ERC2: variants seen among roughly 807,000 people sequenced by gnomAD.
ERC2 encodes the protein ELKS/RAB6-interacting/CAST family member 2.
Under a neutral mutation model 114.8 loss-of-function variants are expected in ERC2, and 42 were observed. The ratio of observed to expected loss-of-function variants is 0.37; its 90% confidence interval spans 0.29 to 0.47. The LOEUF is 0.47. ERC2 is among the 20% of genes least tolerant of loss of function. The pLI, the probability that ERC2 is intolerant of heterozygous loss-of-function variation, is 0.99. For missense variants in ERC2, 939 were observed against 1,150.7 expected (o/e 0.82, Z 2.66); for synonymous variants, 454 against 425.5 (o/e 1.07, Z -0.82).
Position 56,296,453 on chromosome 3 carries a change from G to A in ERC2, c.658-18C>T. On this transcript the variant is annotated intron_variant, in intron 2 of 17. Coordinates refer to ENST00000288221, the MANE Select transcript of ERC2 (RefSeq NM_015576.3). ...TGTAGGTGCTGCAATGAGAAAGATG[G>A]AGCGGGAGAGGAGAAAGAAGGAAAA... is the stretch of plus-strand genomic sequence containing the variant. The A allele has an allele frequency of 6.3e-7, 1 of 1,585,802 alleles. No individual in the cohort carries two copies. Among genetic ancestry groups the A allele is most frequent in the Non-Finnish European group, 8.6e-7 (1 of 1,163,386 alleles).
chr3:55,710,950 T>C (rs529589335), intron 15 of ERC2, among the ~76,000 whole-genome samples: 6 of 152,192 alleles, frequency 3.9e-5, no homozygotes, highest in Admixed American at 3.3e-4. Flanking sequence ...CCCAGAATAC[T>C]TGACAGCTGG....
At chr3:56,441,836 C>T (rs1052173812) in intron 1 of ERC2, among the ~76,000 whole-genome samples, 56 of 152,138 alleles carry the variant, frequency 3.7e-4, no homozygotes, top group Non-Finnish European at 4.4e-5. Context: ...CGTGAGCCAC[C>T]ATCCCCAGCC....
At chr3:55,624,323 T>C (rs358920) in intron 17 of ERC2, among the ~76,000 whole-genome samples, 142,048 of 152,252 alleles carry the variant, frequency 0.93, 66,335 homozygotes, top group East Asian at 1. Flanking sequence ...AGGACGAGTC[T>C]GAGGTAGTTG....
At chr3:55,734,684 T>C in intron 15 of ERC2, 87 bp downstream of exon 15, 2 of 1,500,446 alleles carry the variant, frequency 1.3e-6, no homozygotes, top group East Asian at 2.3e-5. Context: ...AGGATGGACA[T>C]GGGAAAATGA....
chr3:55,922,766 A>G (rs2065502166), intron 13 of ERC2, among the ~76,000 whole-genome samples: 1 of 152,108 alleles, frequency 6.6e-6, no homozygotes, highest in Non-Finnish European at 1.5e-5. Flanking sequence ...AGTTGACTCA[A>G]TTTGAATGGA....
At chr3:55,557,612 CA>C (rs1230523685) in intron 17 of ERC2, among the ~76,000 whole-genome samples, 1 of 152,228 alleles carries the variant, frequency 6.6e-6, no homozygotes, top group African/African-American at 2.4e-5. Context: ...TGGCACTCTC[CA>C]AAGTCTGCTT....
chr3:56,439,424 T>C (rs4527348), intron 1 of ERC2, among the ~76,000 whole-genome samples: 126,994 of 152,174 alleles, frequency 0.83, 53,299 homozygotes, highest in East Asian at 0.93. Context: ...CCAGCCTGGG[T>C]GACAGAGGGA....
chr3:55,515,728 C>T (rs1305403464), intron 17 of ERC2, among the ~76,000 whole-genome samples: 3 of 152,026 alleles, frequency 2.0e-5, no homozygotes, highest in African/African-American at 2.4e-5. Context: ...TGACTGAGCA[C>T]AGCAGTAAGA....
intron 17 of ERC2, among the ~76,000 whole-genome samples, chr3:55,583,331 T>TTGCCTGCCTGTCTGCCTGCC (rs1312553926): frequency 1.3e-5 from 2 of 151,554 alleles, no homozygotes; most frequent in Non-Finnish European, 2.9e-5. Flanking sequence ...GTGTGGAAGC[T>TTGCCTGCCTGTCTGCCTGCC]TGCCTGCCTG....
intron 17 of ERC2, among the ~76,000 whole-genome samples, chr3:55,645,190 A>G (rs1379242940): frequency 2.0e-5 from 3 of 152,236 alleles, no homozygotes; most frequent in Non-Finnish European, 4.4e-5. Flanking sequence ...TTTAAACTGT[A>G]ATTTCAACAA....
chr3:55,636,612 C>A (rs78740839), intron 17 of ERC2, among the ~76,000 whole-genome samples: 3,175 of 152,314 alleles, frequency 0.021, 43 homozygotes, highest in Middle Eastern at 0.068. Flanking sequence ...GGTCAGCAAA[C>A]TTTTCCTGTA....
At chr3:56,457,226 T>C (rs894250379) in intron 1 of ERC2, among the ~76,000 whole-genome samples, 1 of 152,172 alleles carries the variant, frequency 6.6e-6, no homozygotes, top group Non-Finnish European at 1.5e-5. Flanking sequence ...TGAAATGAAC[T>C]TTGTCCTAGG....
At chr3:55,788,484 T>C (rs956102527) in intron 14 of ERC2, among the ~76,000 whole-genome samples, 2 of 152,178 alleles carry the variant, frequency 1.3e-5, no homozygotes, top group African/African-American at 2.4e-5. Context: ...CTTGATCTTT[T>C]TGTCCTGTGA....
intron 17 of ERC2, among the ~76,000 whole-genome samples, chr3:55,643,023 A>C (rs2060250970): frequency 6.6e-6 from 1 of 152,162 alleles, no homozygotes; most frequent in Non-Finnish European, 1.5e-5. Context: ...TACTAAATTT[A>C]CTCTTGAGTA....
chr3:55,546,652 G>A (rs1225831924), intron 17 of ERC2, among the ~76,000 whole-genome samples: 6 of 152,202 alleles, frequency 3.9e-5, no homozygotes, highest in Non-Finnish European at 8.8e-5. Context: ...CAATCAAAAC[G>A]AGGTGTTGAG....
chr3:56,327,677 A>G (rs894110464), intron 2 of ERC2, among the ~76,000 whole-genome samples: 9 of 152,078 alleles, frequency 5.9e-5, no homozygotes, highest in African/African-American at 2.2e-4. Flanking sequence ...CTCCATCTCA[A>G]TCAATCAATC....
intron 15 of ERC2, among the ~76,000 whole-genome samples, chr3:55,706,161 A>G (rs1047647011): frequency 6.6e-6 from 1 of 152,090 alleles, no homozygotes; most frequent in Admixed American, 6.6e-5. Flanking sequence ...CCCTCAGTGG[A>G]CAACCCTACA....
intron 6 of ERC2, among the ~76,000 whole-genome samples, chr3:56,115,274 T>G (rs1002407237): frequency 5.9e-5 from 9 of 152,202 alleles, no homozygotes; most frequent in African/African-American, 1.9e-4. Flanking sequence ...AGAAGCTCTC[T>G]GAACCCCAAT....
intron 14 of ERC2, among the ~76,000 whole-genome samples, chr3:55,786,717 C>A (rs2069527481): frequency 6.6e-6 from 1 of 152,130 alleles, no homozygotes; most frequent in Non-Finnish European, 1.5e-5. Context: ...GACTGCATTG[C>A]CATTCTAAAT....
Sources: allele counts gnomAD v4.1 joint callset (sites outside exome capture counted in the v4.1 genomes callset), GRCh38; gene constraint gnomAD v4.1.1; transcripts MANE v1.5; gene names NCBI Gene and HGNC (gene_info 2026-07-23, HGNC 2026-07-21).